The following SAMSN1 variants were observed in gnomAD, a reference collection of about 807,000 sequenced individuals.
SAMSN1 encodes the protein SAM domain, SH3 domain and nuclear localization signals 1.
Under a neutral mutation model 42.0 loss-of-function variants are expected in SAMSN1, and 31 were observed. That is an observed-to-expected ratio of 0.74 (90% CI 0.55 to 1.00). SAMSN1 has a LOEUF of 1.00. Ranked by LOEUF, SAMSN1 falls within the 50% of genes least tolerant of loss-of-function variation. The pLI is 0.00. For missense variants in SAMSN1, 464 were observed against 439.4 expected (o/e 1.06, Z -0.50); for synonymous variants, 178 against 151.9 (o/e 1.17, Z -1.26).
chr21:14,536,717 C>T lies in SAMSN1; in HGVS notation c.57+9488G>A, dbSNP rs547990953. 6.6e-5 allele frequency among the ~76,000 whole-genome samples: 10 copies of T among 152,270 alleles called. No individual in the cohort carries two copies. The South Asian group carries it at 1.9e-3, about 28-fold the overall frequency. On this transcript the variant is annotated intron_variant, in intron 1 of 7. Transcript: ENST00000400566. ...AAGAAGAAGCCTTTGCAAAGTGAGA[C>T]ATCAATTTAGGGGTGAATTTCTGGT...
intron 6 of SAMSN1, among the ~76,000 whole-genome samples, chr21:14,499,211 T>A (rs1987035813): frequency 6.6e-6 from 1 of 152,170 alleles, no homozygotes; most frequent in African/African-American, 2.4e-5. Context: ...GAAAGAATTG[T>A]TTTCTCAGCA....
chr21:14,603,823 A>G (rs1388124700), intron 5 of SAMSN1, among the ~76,000 whole-genome samples: 1 of 152,258 alleles, frequency 6.6e-6, no homozygotes, highest in Non-Finnish European at 1.5e-5. Context: ...CTTAAAATCC[A>G]GCTCCACAGC....
chr21:14,512,606 G>A (rs375642332), intron 3 of SAMSN1, 33 bp from the exon 4 acceptor site: 3 of 1,609,824 alleles, frequency 1.9e-6, no homozygotes, highest in Non-Finnish European at 2.6e-6. Flanking sequence ...TAGGTACAGA[G>A]AGAAGATTTC....
chr21:14,590,764 A>AAG (rs1395869127), intron 7 of SAMSN1, among the ~76,000 whole-genome samples: 1 of 152,216 alleles, frequency 6.6e-6, no homozygotes, highest in Non-Finnish European at 1.5e-5. Flanking sequence ...CAAAATAAAG[A>AAG]AGAGGTTTTA....
rs116334295 is a variant in SAMSN1, at chr21:14,642,849, A to G, written c.156+153T>C. 3.5e-3 allele frequency among the ~76,000 whole-genome samples: 538 copies of G among 152,346 alleles called. 3 individuals are homozygous for G. The highest frequency in any genetic ancestry group is 0.011 in the African/African-American group (466 of 41,578). The stretch of plus-strand genomic sequence containing the variant: ...TATTAATAAGCCAAAATCATAAAAA[A>G]GACAACAAGAAAGAGAAAAGCAGAA... On this transcript the variant is annotated intron_variant, in intron 2 of 15. Transcript: ENST00000647101.
At chr21:14,655,660 T>A (rs1462716712) in intron 1 of SAMSN1, among the ~76,000 whole-genome samples, 2 of 151,694 alleles carry the variant, frequency 1.3e-5, no homozygotes, top group Admixed American at 6.6e-5. Flanking sequence ...TTAACCTGAG[T>A]AGAGTTATTT....
chr21:14,567,865 T>C (rs1278789923), intron 2 of SAMSN1, among the ~76,000 whole-genome samples: 3 of 152,136 alleles, frequency 2.0e-5, no homozygotes, highest in African/African-American at 7.2e-5. Context: ...TTTACAGGAT[T>C]GTTGTACCTT....
At chr21:14,587,679 A>G (rs999385187), upstream of SAMSN1, among the ~76,000 whole-genome samples, 2 of 152,158 alleles carry the variant, frequency 1.3e-5, no homozygotes, top group African/African-American at 2.4e-5. Context: ...GCCTCTCTGC[A>G]GAGCTTCAGA....
rs566193341 is a variant in SAMSN1 at position 14,530,160 on chromosome 21, C to CA, written c.58-8940dup. On this transcript the variant is annotated intron_variant, in intron 1 of 7. Transcript: ENST00000400566. ...TGAAACCCCATCCCTACTAAAAATA[C>CA]AAAAAAATTAGCCGGGCGTGGTGGC... is the stretch of plus-strand genomic sequence containing the variant. Among the ~76,000 whole-genome samples the CA allele has an allele frequency of 1.1e-4, 17 of 151,652 alleles. No homozygotes were observed. In the South Asian group the frequency reaches 1.5e-3, roughly 13 times the overall value.
chr21:14,566,867 G>T (rs577316696), intron 2 of SAMSN1, among the ~76,000 whole-genome samples: 4 of 152,036 alleles, frequency 2.6e-5, no homozygotes, highest in Non-Finnish European at 1.5e-5. Context: ...AGCCATGTTA[G>T]TGTTATCCAG....
At chr21:14,656,911 C>T (rs995945198) in intron 1 of SAMSN1, among the ~76,000 whole-genome samples, 2 of 151,644 alleles carry the variant, frequency 1.3e-5, no homozygotes, top group Admixed American at 6.6e-5. Context: ...TTTACATATA[C>T]CTTCATTTTT....
At chr21:14,592,565 T>C in intron 7 of SAMSN1, 7 of 305,390 alleles carry the variant, frequency 2.3e-5, no homozygotes, top group South Asian at 1.6e-4. Context: ...CAGGAATTCA[T>C]TGTTCCTCAA....
At chr21:14,614,295 G>C (rs148636045) in intron 3 of SAMSN1, among the ~76,000 whole-genome samples, 125 of 152,288 alleles carry the variant, frequency 8.2e-4, no homozygotes, top group Middle Eastern at 6.8e-3. Flanking sequence ...ATGCAGTTGA[G>C]GTAGTAGAAT....
At chr21:14,613,025 C>T (rs1167318658) in intron 3 of SAMSN1, 1 of 550,618 alleles carries the variant, frequency 1.8e-6, no homozygotes, top group Admixed American at 3.1e-5. Flanking sequence ...AATTCTACCT[C>T]TAACCGAGGT....
At chr21:14,616,040 AAAAT>A (rs1982828589) in intron 2 of SAMSN1, 2 of 578,444 alleles carry the variant, frequency 3.5e-6, no homozygotes, top group Non-Finnish European at 3.2e-6. Context: ...TAAAATGAAT[AAAAT>A]AAAATAAATA....
At chr21:14,515,428 G>A (rs1213310680) in intron 3 of SAMSN1, among the ~76,000 whole-genome samples, 1 of 151,828 alleles carries the variant, frequency 6.6e-6, no homozygotes, top group East Asian at 1.9e-4. Flanking sequence ...AATAGTGTAA[G>A]GACAACTATA....
chr21:14,637,857 A>G (rs1039073475), intron 2 of SAMSN1, among the ~76,000 whole-genome samples: 3 of 152,198 alleles, frequency 2.0e-5, no homozygotes, highest in Non-Finnish European at 4.4e-5. Context: ...TAGAGACAAA[A>G]GATAGCCACC....
chr21:14,526,436 T>C (rs1436516066), intron 1 of SAMSN1, among the ~76,000 whole-genome samples: 1 of 152,208 alleles, frequency 6.6e-6, no homozygotes, highest in African/African-American at 2.4e-5. Context: ...GCTGGGGTGT[T>C]TGAACACATT....
intron 7 of SAMSN1, among the ~76,000 whole-genome samples, chr21:14,489,998 C>T (rs957480217): frequency 1.3e-5 from 2 of 152,050 alleles, no homozygotes; most frequent in Admixed American, 1.3e-4. Flanking sequence ...AAAAGTTCTA[C>T]TCTAAGAAGA....
Sources: allele counts gnomAD v4.1 joint callset (sites outside exome capture counted in the v4.1 genomes callset), GRCh38; gene constraint gnomAD v4.1.1; transcripts MANE v1.5; gene names NCBI Gene and HGNC (gene_info 2026-07-23, HGNC 2026-07-21).